GPI: variants seen among roughly 807,000 people sequenced by gnomAD.
GPI encodes D-hexose-6-phosphate anomerase.
In GPI, 56 loss-of-function variants were observed where a neutral mutation model predicts 75.8. The observed-to-expected ratio is 0.74, with a 90% confidence interval of 0.60 to 0.92. GPI has a LOEUF of 0.92. Among genes scored for constraint, GPI ranks in the 40% least tolerant of loss-of-function variants. The pLI is 0.00. For synonymous variants in GPI, 288 were observed against 285.4 expected (o/e 1.01, Z -0.09); for missense variants, 638 against 741.0 (o/e 0.86, Z 1.61).
At chr19:34,369,238 G>A (rs1393778730) in intron 4 of GPI, among the ~76,000 whole-genome samples, 2 of 151,652 alleles carry the variant, frequency 1.3e-5, no homozygotes, top group South Asian at 2.1e-4. Context: ...TAGTAGAGAC[G>A]GGATTTCACC....
intron 16 of GPI, 23 bp downstream of exon 16, chr19:34,399,654 C>A (rs2074993523): frequency 6.2e-7 from 1 of 1,613,746 alleles, no homozygotes; most frequent in African/African-American, 1.3e-5. Context: ...GGGAAAGGTC[C>A]TGGCTTGGGG....
upstream of GPI, among the ~76,000 whole-genome samples, chr19:34,364,556 TC>T (rs2074326120): frequency 6.6e-6 from 1 of 151,830 alleles, no homozygotes; most frequent in Non-Finnish European, 1.5e-5. Context: ...ATTTTTTTTT[TC>T]AGTAGAGATG....
chr19:34,360,390 T>A (rs1011279813), upstream of GPI, among the ~76,000 whole-genome samples: 4 of 152,122 alleles, frequency 2.6e-5, no homozygotes, highest in Non-Finnish European at 5.9e-5. Context: ...GCCAGGAATT[T>A]GAGACCAGCC....
At chr19:34,381,941 C>T (rs1363480566) in intron 9 of GPI, among the ~76,000 whole-genome samples, 1 of 152,164 alleles carries the variant, frequency 6.6e-6, no homozygotes, top group African/African-American at 2.4e-5. Context: ...ACAGGAGCTG[C>T]AGGAGGAGCT....
chr19:34,386,832 G>T (rs967979024), intron 9 of GPI, among the ~76,000 whole-genome samples: 1 of 152,090 alleles, frequency 6.6e-6, no homozygotes, highest in African/African-American at 2.4e-5. Flanking sequence ...TCAGTCTTAG[G>T]CCTGGGGACA....
At chr19:34,379,708 G>A (rs2074612301) in intron 8 of GPI, 146 bp downstream of exon 8, 3 of 777,220 alleles carry the variant, frequency 3.9e-6, no homozygotes, top group Non-Finnish European at 7.0e-6. Flanking sequence ...TGGGCTGCAA[G>A]CCTTCCTTGC....
At chr19:34,386,709 G>A (rs1020042471) in intron 9 of GPI, among the ~76,000 whole-genome samples, 2 of 152,186 alleles carry the variant, frequency 1.3e-5, no homozygotes, top group Non-Finnish European at 2.9e-5. Context: ...TAAGTTAGAC[G>A]TGGGTAGGTA....
At chr19:34,396,874 G>A (rs2074954070) in intron 14 of GPI, among the ~76,000 whole-genome samples, 1 of 152,172 alleles carries the variant, frequency 6.6e-6, no homozygotes, top group Non-Finnish European at 1.5e-5. Context: ...GCAGTGGCAC[G>A]ATCTTGGCTC....
At position 34,379,985 on chromosome 19, in the gene GPI, GTTTTGTTTTTT is replaced by G. The variant is rs1315236342; in HGVS notation, c.750+428_750+438del. On this transcript the variant is annotated intron_variant, in intron 8 of 17. Coordinates refer to ENST00000356487, the MANE Select transcript of GPI (RefSeq NM_000175.5). ...TTTTGCCCCCTACTTAGTGTGTGTG[GTTTTGTTTTTT>G]TTTTTTTTTTTTTTTTTTTTAAGAC... is the stretch of plus-strand genomic sequence containing the variant. 15 of 127,960 alleles carry G rather than the reference GTTTTGTTTTTT, an allele frequency of 1.2e-4. No homozygotes were observed. In the South Asian group the frequency reaches 1.8e-3, roughly 16 times the overall value. 7.9% of individuals were successfully genotyped at this position (127,960 alleles called of 1,614,324 possible). A position where few individuals can be genotyped will look rare whatever the true frequency, so the allele number is the denominator to read the frequency against.
intron 9 of GPI, among the ~76,000 whole-genome samples, chr19:34,381,979 G>C (rs186836586): frequency 1.3e-5 from 2 of 152,294 alleles, no homozygotes; most frequent in Non-Finnish European, 2.9e-5. Flanking sequence ...GAGGCGCCAG[G>C]CTGGGGCAGC....
In GPI at chr19:34,393,867, C is replaced by T. The variant is rs745992182; in HGVS notation, c.910-47C>T. On this transcript the variant is annotated intron_variant, in intron 11 of 17. Coordinates refer to ENST00000356487, the MANE Select transcript of GPI (RefSeq NM_000175.5). The surrounding 1 kb of genome is among the most constrained non-coding windows in gnomAD (Gnocchi z 4.4). ...TCTCCCCCACTGTCCTGTCCCTCCC[C>T]TCCCCGTGCAGCTGCTCAGCTCCCA... 2.7e-5 allele frequency: 43 copies of T among 1,610,422 alleles called. No homozygotes were observed. Among genetic ancestry groups the T allele is most frequent in the Non-Finnish European group, 3.2e-5 (38 of 1,177,468 alleles).
intron 8 of GPI, 155 bp from the exon 9 acceptor site, chr19:34,381,311 G>C (rs547579139): frequency 1.4e-6 from 1 of 720,326 alleles, no homozygotes; most frequent in East Asian, 2.6e-5. Context: ...CCCTGCCCTC[G>C]ACTCACAGGC....
intron 12 of GPI, among the ~76,000 whole-genome samples, chr19:34,394,783 G>A (rs1163304473): frequency 8.6e-5 from 13 of 151,590 alleles, no homozygotes; most frequent in East Asian, 3.9e-4. Flanking sequence ...GCGCGATCTC[G>A]GCTCATTGCA....
At position 34,396,314 on chromosome 19, in the gene GPI, C is replaced by G; in HGVS notation, c.1076C>G (p.Ser359Cys). The G allele has an allele frequency of 6.2e-7, 1 of 1,614,174 alleles. No homozygotes were observed. Among genetic ancestry groups the G allele is most frequent in the Non-Finnish European group, 8.5e-7 (1 of 1,180,006 alleles). The change falls in exon 13 of 18, where the codon TCC (serine) becomes TGC (cysteine). Residue 359 changes from serine (S) to cysteine (C), a missense_variant. Ser to Cys is a moderately radical substitution (Grantham distance 112). Coordinates refer to ENST00000356487, the MANE Select transcript of GPI (RefSeq NM_000175.5). Reference sequence around the variant, plus strand: ...TTCCTTTTCCAGGGCGACATGGAGTCCAATGGGAAATACATCACCAAATCT... The same window carrying G: ...TTCCTTTTCCAGGGCGACATGGAGTGCAATGGGAAATACATCACCAAATCT... ...AAYFQQGDME[S>C]NGKYITKSGT... is the part of the protein sequence containing the mutation.
At position 34,368,690 on chromosome 19, in the gene GPI, G is replaced by A. The variant is rs2074404542; in HGVS notation, c.390G>A (p.Lys130=). The A allele has an allele frequency of 1.2e-6, 2 of 1,614,232 alleles. No individual in the cohort carries two copies. Among genetic ancestry groups the A allele is most frequent in the South Asian group, 1.1e-5 (1 of 91,084 alleles). Residue 130 remains lysine (K), a synonymous_variant, in exon 4 of 18, where the codon AAG becomes AAA. Coordinates refer to ENST00000356487, the MANE Select transcript of GPI (RefSeq NM_000175.5). The part of the protein sequence containing the change: ...PEVNKVLDKM[K]SFCQRVRSGD... Reference sequence around the variant, plus strand: ...TCAACAAGGTTCTGGACAAGATGAAGTCTTTCTGCCAGGTAAGTGGCTACT... The same window carrying A: ...TCAACAAGGTTCTGGACAAGATGAAATCTTTCTGCCAGGTAAGTGGCTACT...
Position 34,394,816 on chromosome 19 carries a change from C to A in GPI, c.1062+750C>A, listed in dbSNP as rs554087271. 1.5e-4 allele frequency among the ~76,000 whole-genome samples: 23 copies of A among 152,158 alleles called. No homozygotes were observed. In the East Asian group the frequency reaches 4.5e-3, roughly 30 times the overall value. ...GCAACCTCCGCTTCCTGAGTTCAAG[C>A]AATTCCTGTGCCTCAGCCTCCCGAG... On this transcript the variant is annotated intron_variant, in intron 12 of 17. Transcript: ENST00000356487.
At chr19:34,386,811 G>C (rs2074741859) in intron 9 of GPI, among the ~76,000 whole-genome samples, 1 of 152,164 alleles carries the variant, frequency 6.6e-6, no homozygotes, top group African/African-American at 2.4e-5. Flanking sequence ...TTCTGGCTTA[G>C]TTGTGCTGAC....
chr19:34,367,642 G>A (rs1004554546), intron 3 of GPI, among the ~76,000 whole-genome samples: 10 of 152,260 alleles, frequency 6.6e-5, no homozygotes, highest in South Asian at 2.1e-4. Flanking sequence ...ACCTGGGGTC[G>A]TTAGACCTTC....
chr19:34,376,825 A>G (rs549247566), intron 4 of GPI, among the ~76,000 whole-genome samples: 1 of 152,232 alleles, frequency 6.6e-6, no homozygotes, highest in East Asian at 1.9e-4. Context: ...AGCTGGGCAG[A>G]TCACTTGAGG....
Sources: allele counts gnomAD v4.1 joint callset (sites outside exome capture counted in the v4.1 genomes callset), GRCh38; gene constraint gnomAD v4.1.1; non-coding constraint Gnocchi (gnomAD v3.1); transcripts MANE v1.5; gene names NCBI Gene and HGNC (gene_info 2026-07-23, HGNC 2026-07-21).